Variants in ROBO2 observed in about 807,000 individuals in gnomAD.
The protein encoded by ROBO2 is roundabout homolog 2.
Under a neutral mutation model 160.8 loss-of-function variants are expected in ROBO2, and 53 were observed. The ratio of observed to expected loss-of-function variants is 0.33; its 90% CI spans 0.26 to 0.41. ROBO2 has a LOEUF of 0.41. ROBO2 is among the 10% of genes least tolerant of loss of function. The pLI is 1.00. For synonymous variants in ROBO2, 664 were observed against 611.7 expected (o/e 1.09, Z -1.26); for missense variants, 1,577 against 1,722.4 (o/e 0.92, Z 1.49).
chr3:77,427,886 T>C (rs1475068001), intron 2 of ROBO2, among the ~76,000 whole-genome samples: 1 of 152,212 alleles, frequency 6.6e-6, no homozygotes, highest in East Asian at 1.9e-4. Context: ...TCAGCTTGCA[T>C]TGATCCTTGA....
At chr3:76,869,423 C>T (rs1021144689) in intron 2 of ROBO2, among the ~76,000 whole-genome samples, 6 of 137,900 alleles carry the variant, frequency 4.4e-5, no homozygotes, top group African/African-American at 1.6e-4. Context: ...GATCTCGGCT[C>T]ACTGCAAGCT....
At chr3:76,000,634 G>A (rs2065860348) in intron 2 of ROBO2, among the ~76,000 whole-genome samples, 1 of 151,634 alleles carries the variant, frequency 6.6e-6, no homozygotes, top group African/African-American at 2.4e-5. Flanking sequence ...GACTACAGGT[G>A]CCTGCCACCA....
At chr3:76,847,162 C>G (rs919808060) in intron 2 of ROBO2, among the ~76,000 whole-genome samples, 4 of 152,078 alleles carry the variant, frequency 2.6e-5, no homozygotes, top group Non-Finnish European at 2.9e-5. Flanking sequence ...GGTGGCATAG[C>G]ACATACACTG....
chr3:77,150,313 A>G (rs1279687461), intron 2 of ROBO2, among the ~76,000 whole-genome samples: 1 of 152,220 alleles, frequency 6.6e-6, no homozygotes, highest in Non-Finnish European at 1.5e-5. Context: ...GGGATGTGAC[A>G]TAGCTGTCCC....
chr3:77,393,889 A>G (rs1283229612), intron 2 of ROBO2, among the ~76,000 whole-genome samples: 1 of 152,130 alleles, frequency 6.6e-6, no homozygotes, highest in African/African-American at 2.4e-5. Context: ...ATTTATTAAA[A>G]TATAAACTAG....
At chr3:76,743,414 T>A (rs2093834466) in intron 2 of ROBO2, among the ~76,000 whole-genome samples, 2 of 152,146 alleles carry the variant, frequency 1.3e-5, no homozygotes, top group African/African-American at 4.8e-5. Flanking sequence ...TGGCTCAATA[T>A]TCCCATTAAC....
chr3:76,284,804 G>A (rs1516480), intron 2 of ROBO2, among the ~76,000 whole-genome samples: 42,718 of 151,836 alleles, frequency 0.28, 7,372 homozygotes, highest in Non-Finnish European at 0.39. Context: ...TTTTCCCCAC[G>A]TTCAAACTGG....
intron 1 of ROBO2, among the ~76,000 whole-genome samples, chr3:77,084,153 G>A (rs9856171): frequency 0.058 from 8,827 of 151,712 alleles, 269 homozygotes; most frequent in East Asian, 0.12. Flanking sequence ...ATGGAAATTC[G>A]TAACAAAAGT....
At position 76,294,301 on chromosome 3, in the gene ROBO2, A is replaced by G. The variant is rs377623991; in HGVS notation, c.109+356699A>G. On this transcript the variant is annotated intron_variant, in intron 2 of 26. Coordinates refer to the ROBO2 transcript ENST00000487694. Reference sequence around the variant, plus strand: ...GAAGGGCAGGGCTCCCACCCTTCCAACTCAGAAGGGAAAGAGCTCCGGCCT... The same window carrying G: ...GAAGGGCAGGGCTCCCACCCTTCCAGCTCAGAAGGGAAAGAGCTCCGGCCT... Among the ~76,000 whole-genome samples, 26 of 152,164 alleles carry G rather than the reference A, an allele frequency of 1.7e-4. No individual in the cohort carries two copies. The South Asian group carries it at 5.2e-3, about 30-fold the overall frequency.
At chr3:76,648,631 T>C (rs7635805) in intron 2 of ROBO2, among the ~76,000 whole-genome samples, 13,336 of 152,096 alleles carry the variant, frequency 0.088, 796 homozygotes, top group Middle Eastern at 0.16. Context: ...CAACATACTA[T>C]CAAAACTTTC....
intron 2 of ROBO2, among the ~76,000 whole-genome samples, chr3:76,893,138 C>T (rs367573903): frequency 3.4e-4 from 51 of 152,186 alleles, no homozygotes; most frequent in Admixed American, 1.4e-3. Flanking sequence ...TCAAAATATA[C>T]GGTACGCATT....
intron 2 of ROBO2, among the ~76,000 whole-genome samples, chr3:76,391,500 A>G (rs2077148319): frequency 6.7e-6 from 1 of 150,356 alleles, no homozygotes; most frequent in African/African-American, 2.5e-5. Context: ...ATGTCATAAC[A>G]TCTTCCTCAT....
At chr3:76,636,110 A>G (rs1248832733) in intron 2 of ROBO2, among the ~76,000 whole-genome samples, 1 of 152,196 alleles carries the variant, frequency 6.6e-6, no homozygotes, top group Admixed American at 6.5e-5. Flanking sequence ...AAAAATAATG[A>G]TTATACATAA....
At position 76,462,584 on chromosome 3, in the gene ROBO2, T is replaced by C. The variant is rs1224327889; in HGVS notation, c.109+524982T>C. On this transcript the variant is annotated intron_variant, in intron 2 of 26. Coordinates refer to the ROBO2 transcript ENST00000487694. ...GTAACTAACCTGCACAATGTGCACA[T>C]GTACCCTAAAACTTAAAGTATTAAA... 1.3e-4 allele frequency among the ~76,000 whole-genome samples: 20 copies of C among 148,786 alleles called. 1 individual carries two copies. Among genetic ancestry groups the C allele is most frequent in the Non-Finnish European group, 2.4e-4 (16 of 67,720 alleles).
At chr3:77,200,531 G>A (rs1281765830) in intron 2 of ROBO2, among the ~76,000 whole-genome samples, 1 of 151,532 alleles carries the variant, frequency 6.6e-6, no homozygotes, top group East Asian at 2.0e-4. Context: ...TATTTATATT[G>A]TGTTATGTGC....
At chr3:77,168,291 T>G (rs188021784) in intron 2 of ROBO2, among the ~76,000 whole-genome samples, 38 of 152,324 alleles carry the variant, frequency 2.5e-4, no homozygotes, top group African/African-American at 8.4e-4. Flanking sequence ...AGCCTTGGTC[T>G]TATGAAATCT....
At chr3:77,580,227 G>T in intron 16 of ROBO2, 109 bp downstream of exon 17, 7 of 995,660 alleles carry the variant, frequency 7.0e-6, no homozygotes, top group South Asian at 1.3e-5. Context: ...GAATGATAGG[G>T]TACACATATC....
intron 6 of ROBO2, among the ~76,000 whole-genome samples, chr3:77,532,862 GTTAT>G (rs2091848419): frequency 6.6e-6 from 1 of 151,802 alleles, no homozygotes; most frequent in African/African-American, 2.4e-5. Context: ...CGATGCCTAA[GTTAT>G]TTGTTTTAAA....
chr3:77,285,905 A>G (rs1307768925), intron 2 of ROBO2, among the ~76,000 whole-genome samples: 1 of 152,174 alleles, frequency 6.6e-6, no homozygotes, highest in Non-Finnish European at 1.5e-5. Flanking sequence ...TGCCCTATAT[A>G]ATACCAAATG....
Sources: gnomAD v4.1 joint callset for allele counts (sites outside exome capture counted in the v4.1 genomes callset) on GRCh38, gnomAD v4.1.1 for gene constraint, MANE v1.5 for transcripts, NCBI Gene and HGNC (gene_info 2026-07-23, HGNC 2026-07-21) for gene names.